Variants in CUX2 observed in about 807,000 individuals in gnomAD.
The protein encoded by CUX2 is homeobox protein cut-like 2.
Under a neutral mutation model 144.8 loss-of-function variants are expected in CUX2, and 40 were observed. The ratio of observed to expected loss-of-function variants is 0.28; its 90% CI spans 0.21 to 0.36. The LOEUF is 0.36. Among genes scored for constraint, CUX2 ranks in the 10% least tolerant of loss-of-function variants. CUX2 has a pLI of 1.00. For missense variants in CUX2, 1,615 were observed against 1,994.0 expected (o/e 0.81, Z 3.62); for synonymous variants, 827 against 875.6 (o/e 0.94, Z 0.98).
At chr12:111,055,235 G>C (rs963122289) in intron 1 of CUX2, among the ~76,000 whole-genome samples, 1 of 152,226 alleles carries the variant, frequency 6.6e-6, no homozygotes, top group South Asian at 2.1e-4. Flanking sequence ...GGCAGGAGTC[G>C]GGGCCTGGGC....
chr12:111,163,067 T>C (rs1322727035), intron 1 of CUX2, among the ~76,000 whole-genome samples: 4 of 148,358 alleles, frequency 2.7e-5, no homozygotes, highest in African/African-American at 7.5e-5. Flanking sequence ...AAAAAAGGAA[T>C]TTGGGGTCAA....
intron 1 of CUX2, among the ~76,000 whole-genome samples, chr12:111,082,960 T>A (rs185429982): frequency 1.3e-5 from 2 of 152,238 alleles, no homozygotes; most frequent in Non-Finnish European, 2.9e-5. Context: ...TGAGCTGTGC[T>A]GGAAAGAGTC....
chr12:111,228,226 A>G (rs1882270851), intron 3 of CUX2, among the ~76,000 whole-genome samples: 1 of 152,168 alleles, frequency 6.6e-6, no homozygotes, highest in Non-Finnish European at 1.5e-5. Context: ...CACAGTGGTT[A>G]GGAGTGTGGT....
Position 111,310,265 on chromosome 12 carries a change from G to A in CUX2, c.1483G>A (p.Ala495Thr). 1.3e-6 allele frequency: 2 copies of A among 1,510,954 alleles called. No individual in the cohort carries two copies. Among genetic ancestry groups the A allele is most frequent in the Non-Finnish European group, 8.9e-7 (1 of 1,128,784 alleles). 93.6% of individuals were successfully genotyped at this position (1,510,954 alleles called of 1,614,324 possible). Reference protein sequence around the residue: ...ASGERLMMPPAAFKGEAGGLL... With the variant: ...ASGERLMMPPTAFKGEAGGLL... ...AGGGGAGAGACTGATGATGCCCCCAGCCGCCTTCAAGGGAGAGGCGGGCGG... is the reference window on the plus strand; with the variant it reads ...AGGGGAGAGACTGATGATGCCCCCAACCGCCTTCAAGGGAGAGGCGGGCGG... The change falls in exon 15 of 22, where the codon GCC becomes ACC. Residue 495 changes from alanine (A) to threonine (T), a missense_variant. By Grantham distance (58) the Ala-to-Thr change is moderately conservative. This residue lies in a region of CUX2 where 154 missense variants were observed against 148.4 expected (regional missense o/e 1.04). Coordinates refer to ENST00000261726, the MANE Select transcript of CUX2 (RefSeq NM_015267.4). This position sits in a 1 kb window ranked among gnomAD's most constrained non-coding sequence, Gnocchi z 7.9.
At chr12:111,260,379 G>GTGTGAA (rs1884052821) in intron 3 of CUX2, among the ~76,000 whole-genome samples, 1 of 152,012 alleles carries the variant, frequency 6.6e-6, no homozygotes, top group African/African-American at 2.4e-5. Flanking sequence ...CAGGAGGATG[G>GTGTGAA]CGTGAACCCA....
chr12:111,212,831 T>C (rs1881305770), intron 1 of CUX2, among the ~76,000 whole-genome samples: 2 of 152,358 alleles, frequency 1.3e-5, no homozygotes, highest in African/African-American at 4.8e-5. Context: ...GGTGAGCTGC[T>C]ATTGAGCAGA....
chr12:111,249,548 C>G (rs146065495), intron 3 of CUX2, among the ~76,000 whole-genome samples: 2,468 of 150,876 alleles, frequency 0.016, 73 homozygotes, highest in African/African-American at 0.056. Context: ...CCTCTGCCTC[C>G]CAGGTTCAGG....
Position 111,338,267 on chromosome 12 carries a change from T to A in CUX2, c.3197-19T>A. 6.3e-7 allele frequency: 1 copy of A among 1,584,098 alleles called. No homozygotes were observed. The highest frequency in any genetic ancestry group is 8.6e-7 in the Non-Finnish European group (1 of 1,163,316). On this transcript the variant is annotated intron_variant, in intron 19 of 21. Transcript: ENST00000261726. ...TGCCCAGCCTCGGGTAACAGATTGC[T>A]CCCCTCCCCTATCCCCAGGGCAGCG...
chr12:111,327,918 G>T (rs1887893193), intron 18 of CUX2, among the ~76,000 whole-genome samples: 1 of 152,114 alleles, frequency 6.6e-6, no homozygotes, highest in Non-Finnish European at 1.5e-5. Context: ...ACAAAAATCA[G>T]CTGGGCATGG....
Position 111,263,910 on chromosome 12 carries a change from G to C in CUX2, c.301+71G>C. ...ATAGCCATTAGGACTGTGACACAGG[G>C]ACTTTGAGGTGGGATGTGGGGACAT... is the stretch of plus-strand genomic sequence containing the variant. On this transcript the variant is annotated intron_variant, in intron 4 of 21. Coordinates refer to ENST00000261726, the MANE Select transcript of CUX2 (RefSeq NM_015267.4). The surrounding 1 kb of genome is among the most constrained non-coding windows in gnomAD (Gnocchi z 4.0). The C allele has an allele frequency of 7.0e-7, 1 of 1,424,062 alleles. No homozygotes were observed. The highest frequency in any genetic ancestry group is 9.9e-7 in the Non-Finnish European group (1 of 1,007,730). The allele number at this position is 1,424,062 out of a possible 1,614,324, so 88.2% of individuals were successfully genotyped here.
At chr12:111,111,972 G>C (rs1349254692) in intron 1 of CUX2, among the ~76,000 whole-genome samples, 2 of 152,196 alleles carry the variant, frequency 1.3e-5, no homozygotes, top group African/African-American at 4.8e-5. Context: ...TTCTCAGGAA[G>C]TCCCTGTGGG....
rs1006789597 is a variant in CUX2 at position 111,302,691 on chromosome 12, G to A, written c.754-1519G>A. On this transcript the variant is annotated intron_variant, in intron 9 of 21. Coordinates refer to ENST00000261726, the MANE Select transcript of CUX2 (RefSeq NM_015267.4). ...GAGGTGGGTGGATTGCTTAAGCCCA[G>A]GAGTTAGAGACCAGCCTGGCCAACA... 3.9e-5 allele frequency among the ~76,000 whole-genome samples: 6 copies of A among 151,908 alleles called. No homozygotes were observed. The East Asian group carries it at 9.6e-4, about 24-fold the overall frequency.
At chr12:111,260,761 C>G (rs532969987) in intron 3 of CUX2, among the ~76,000 whole-genome samples, 1 of 152,268 alleles carries the variant, frequency 6.6e-6, no homozygotes, top group Admixed American at 6.5e-5. Flanking sequence ...GTGCTCTAGG[C>G]AGGGACAGGG....
intron 10 of CUX2, among the ~76,000 whole-genome samples, chr12:111,306,179 T>C (rs561003668): frequency 8.8e-4 from 134 of 152,270 alleles, no homozygotes; most frequent in African/African-American, 3.1e-3. Flanking sequence ...GGAACTTTGC[T>C]GGTTTGGGGG....
At chr12:111,099,955 C>T (rs2136066477) in intron 1 of CUX2, 1 of 457,362 alleles carries the variant, frequency 2.2e-6, no homozygotes, top group Non-Finnish European at 4.4e-6. Context: ...AGCTCAGAGT[C>T]CTGTGGGAAG....
chr12:111,064,416 T>C (rs528819481), intron 1 of CUX2, among the ~76,000 whole-genome samples: 2 of 152,320 alleles, frequency 1.3e-5, no homozygotes, highest in South Asian at 4.2e-4. Context: ...GCTTATAACA[T>C]TCAAGTGGTG....
intron 1 of CUX2, among the ~76,000 whole-genome samples, chr12:111,069,535 T>TGTGTGTGTGTGTGTGCGCGCGCGC (rs1871167949): frequency 1.3e-5 from 2 of 148,562 alleles, no homozygotes; most frequent in South Asian, 2.1e-4. Context: ...TGTGTGTGTG[T>TGTGTGTGTGTGTGTGCGCGCGCGC]GTGTGTGTGT....
chr12:111,309,148 G>A (rs911473293), intron 14 of CUX2, among the ~76,000 whole-genome samples: 6 of 152,036 alleles, frequency 3.9e-5, no homozygotes, highest in African/African-American at 7.2e-5. Flanking sequence ...CAGGTGATCC[G>A]CCTGCCTCAG....
chr12:111,218,076 C>T (rs1195834348), intron 3 of CUX2, 139 bp downstream of exon 3: 5 of 790,054 alleles, frequency 6.3e-6, no homozygotes, highest in Non-Finnish European at 1.1e-5. Flanking sequence ...AAACTCTGTG[C>T]CCTTCCCTCT....
Sources: allele counts gnomAD v4.1 joint callset (sites outside exome capture counted in the v4.1 genomes callset), GRCh38; gene constraint gnomAD v4.1.1; regional missense constraint gnomAD v4.1.1; non-coding constraint Gnocchi (gnomAD v3.1); transcripts MANE v1.5; gene names NCBI Gene and HGNC (gene_info 2026-07-23, HGNC 2026-07-21).